Variants in CIMIP2A observed in about 807,000 individuals in gnomAD.
CIMIP2A encodes the protein ciliary microtubule inner protein 2A.
chr9:137,247,646 C>A, the CIMIP2A span: 2 of 1,611,740 alleles, frequency 1.2e-6, no homozygotes, highest in Admixed American at 1.7e-5. Context: ...ACCTCCAGAG[C>A]TCCCGGCTCT....
At chr9:137,250,907 A>C in the CIMIP2A span, 1 of 229,788 alleles carries the variant, frequency 4.4e-6, no homozygotes, top group Non-Finnish European at 8.7e-6. Context: ...ACAGCTGGGC[A>C]TCTCCTAGGG....
At chr9:137,246,382 C>G in the CIMIP2A span, among the ~76,000 whole-genome samples, 3 of 152,172 alleles carry the variant, frequency 2.0e-5, no homozygotes, top group African/African-American at 7.2e-5. Context: ...CATTCAACCT[C>G]GAGGGGCATG....
the CIMIP2A span, chr9:137,244,233 C>T: frequency 3.7e-6 from 6 of 1,613,868 alleles, no homozygotes; most frequent in Non-Finnish European, 5.1e-6. Context: ...GTTGCTGGGC[C>T]AGTGTGTTCC....
the CIMIP2A span, chr9:137,244,289 C>G: frequency 6.2e-7 from 1 of 1,613,544 alleles, no homozygotes; most frequent in Non-Finnish European, 8.5e-7. Context: ...TAAACAGGAA[C>G]TGGGGAGACA....
At chr9:137,252,251 C>T in the CIMIP2A span, 23 of 1,425,232 alleles carry the variant, frequency 1.6e-5, no homozygotes, top group Non-Finnish European at 2.0e-5. Flanking sequence ...CCCTTCCCTG[C>T]GTTCACCTCT....
the CIMIP2A span, chr9:137,250,771 C>A: frequency 4.7e-5 from 8 of 169,076 alleles, no homozygotes; most frequent in East Asian, 1.4e-3. Flanking sequence ...GGTGTCAGAC[C>A]CATCTGATGT....
the CIMIP2A span, chr9:137,245,052 G>A: frequency 2.5e-6 from 4 of 1,610,126 alleles, no homozygotes; most frequent in Admixed American, 1.7e-5. Context: ...TGTGGGGAGG[G>A]GCGGCCTTCT....
the CIMIP2A span, chr9:137,245,392 T>C: frequency 6.2e-7 from 1 of 1,613,308 alleles, no homozygotes; most frequent in Non-Finnish European, 8.5e-7. Context: ...GTCTCTGGAG[T>C]CTCCCTTCCT....
At chr9:137,252,140 G>C in the CIMIP2A span, 1 of 1,603,944 alleles carries the variant, frequency 6.2e-7, no homozygotes, top group Non-Finnish European at 8.5e-7. Context: ...GCCGAGGTGT[G>C]TGTCCCCTCC....
the CIMIP2A span, chr9:137,251,284 CTGA>C: frequency 6.2e-7 from 1 of 1,601,304 alleles, no homozygotes; most frequent in Non-Finnish European, 8.6e-7. Flanking sequence ...CCAGGAGACT[CTGA>C]TGATGAATTC....
At chr9:137,250,856 G>A in the CIMIP2A span, 130,709 of 188,336 alleles carry the variant, frequency 0.69, 46,172 homozygotes, top group Admixed American at 0.78. Flanking sequence ...GCCTTCCTGG[G>A]CCCCTCCCTC....
chr9:137,251,023 G>A, the CIMIP2A span: 8 of 476,540 alleles, frequency 1.7e-5, no homozygotes, highest in South Asian at 8.1e-5. Flanking sequence ...ACCCCAGGGT[G>A]CAGGAGAGGG....
the CIMIP2A span, chr9:137,244,256 G>A: frequency 2.4e-5 from 39 of 1,613,818 alleles, no homozygotes; most frequent in Admixed American, 8.3e-5. Context: ...GCAGCTTCTC[G>A]CCCAGGTCAC....
the CIMIP2A span, chr9:137,252,963 C>T: frequency 1.9e-6 from 3 of 1,594,712 alleles, no homozygotes; most frequent in Non-Finnish European, 2.6e-6. Context: ...TGGCTCAGCA[C>T]CTGTAAGGAG....
At chr9:137,253,484 G>A in the CIMIP2A span, 1 of 1,432,004 alleles carries the variant, frequency 7.0e-7, no homozygotes, top group Non-Finnish European at 9.1e-7. Context: ...GTTTTCCCGA[G>A]CTCTGTGGTG....
the CIMIP2A span, among the ~76,000 whole-genome samples, chr9:137,249,362 A>G: frequency 6.6e-6 from 1 of 152,142 alleles, no homozygotes; most frequent in Non-Finnish European, 1.5e-5. Flanking sequence ...GACACTGCAA[A>G]CTGGGACCAT....
chr9:137,244,558 C>G, the CIMIP2A span: 24 of 1,569,060 alleles, frequency 1.5e-5, no homozygotes, highest in Non-Finnish European at 2.1e-5. Flanking sequence ...ACCTGGCCTT[C>G]AAGGCACCCT....
chr9:137,252,063 G>A, the CIMIP2A span: 1 of 1,613,114 alleles, frequency 6.2e-7, no homozygotes, highest in Non-Finnish European at 8.5e-7. Context: ...CAGGTACCAG[G>A]TGCCGAGCCC....
chr9:137,251,602 G>A, the CIMIP2A span: 2 of 1,158,720 alleles, frequency 1.7e-6, no homozygotes, highest in African/African-American at 1.5e-5. Context: ...GGGGCTGAGG[G>A]ACAGTGTGGG....
Sources: allele counts gnomAD v4.1 joint callset (sites outside exome capture counted in the v4.1 genomes callset), GRCh38; gene constraint gnomAD v4.1.1; transcripts MANE v1.5; gene names NCBI Gene and HGNC (gene_info 2026-07-23, HGNC 2026-07-21).